The following SHISA6 variants were observed in gnomAD, a reference collection of about 807,000 sequenced individuals.
SHISA6 encodes the protein protein shisa-6.
A neutral mutation model predicts 47.9 loss-of-function variants in SHISA6; 22 were observed. The observed-to-expected ratio is 0.46, with a 90% confidence interval of 0.33 to 0.66. SHISA6 has a LOEUF of 0.66. Ranked by LOEUF, SHISA6 falls within the 30% of genes least tolerant of loss-of-function variation. The pLI is 0.02. For missense variants in SHISA6, 680 were observed against 764.6 expected (o/e 0.89, Z 1.30); for synonymous variants, 388 against 337.8 (o/e 1.15, Z -1.63).
chr17:11,447,582 T>C (rs572039573), intron 3 of SHISA6, among the ~76,000 whole-genome samples: 1 of 152,322 alleles, frequency 6.6e-6, no homozygotes, highest in South Asian at 2.1e-4. Flanking sequence ...TGTCCCACCC[T>C]CTACCCCACA....
At chr17:11,261,867 A>G (rs979542346) in intron 1 of SHISA6, among the ~76,000 whole-genome samples, 1 of 152,188 alleles carries the variant, frequency 6.6e-6, no homozygotes, top group African/African-American at 2.4e-5. Context: ...CGTTTAAGGA[A>G]CATTGCAGTT....
At position 11,241,984 on chromosome 17, in the gene SHISA6, G is replaced by C. The variant is rs1402986970; in HGVS notation, c.562G>C (p.Val188Leu). Reference protein sequence around the residue: ...VYITCGVIAFVIVAGVFAKVS... With the variant: ...VYITCGVIAFLIVAGVFAKVS... ...CATCACCTGCGGGGTGATCGCCTTCGTCATCGTGGCCGGCGTCTTCGCCAA... is the reference window on the plus strand; with the variant it reads ...CATCACCTGCGGGGTGATCGCCTTCCTCATCGTGGCCGGCGTCTTCGCCAA... Residue 188 changes from valine to leucine, a missense_variant, in exon 1 of 6, where the codon GTC becomes CTC. Val to Leu is a conservative substitution (Grantham distance 32). Transcript: ENST00000441885. The surrounding 1 kb of genome is among the most constrained non-coding windows in gnomAD (Gnocchi z 5.5). 31 of 1,550,962 alleles carry C rather than the reference G, an allele frequency of 2.0e-5. No homozygotes were observed. The highest frequency in any genetic ancestry group is 2.6e-5 in the Non-Finnish European group (30 of 1,147,014).
chr17:11,351,280 C>T (rs1469774389), intron 2 of SHISA6, among the ~76,000 whole-genome samples: 1 of 152,128 alleles, frequency 6.6e-6, no homozygotes, highest in Non-Finnish European at 1.5e-5. Context: ...GCACATTCTG[C>T]ACATGTATCC....
intron 3 of SHISA6, among the ~76,000 whole-genome samples, chr17:11,452,019 C>A (rs563162626): frequency 2.0e-5 from 3 of 152,216 alleles, no homozygotes; most frequent in Non-Finnish European, 4.4e-5. Flanking sequence ...ATCCACTGTG[C>A]AACTGCTTGA....
intron 3 of SHISA6, among the ~76,000 whole-genome samples, chr17:11,443,708 C>A (rs2142299452): frequency 6.6e-6 from 1 of 152,156 alleles, no homozygotes; most frequent in Non-Finnish European, 1.5e-5. Flanking sequence ...TGAATATTTG[C>A]TTATATTACC....
intron 3 of SHISA6, among the ~76,000 whole-genome samples, chr17:11,549,953 C>A (rs1190464403): frequency 6.6e-6 from 1 of 152,076 alleles, no homozygotes; most frequent in African/African-American, 2.4e-5. Context: ...CAAACAGTTT[C>A]TTCCCTGGCT....
chr17:11,317,612 TG>T (rs1245965747), intron 2 of SHISA6, among the ~76,000 whole-genome samples: 4 of 152,026 alleles, frequency 2.6e-5, no homozygotes, highest in Admixed American at 6.6e-5. Flanking sequence ...ATTTCGATTT[TG>T]TTTTTTTTAA....
chr17:11,260,592 C>T (rs1308498863), intron 1 of SHISA6, among the ~76,000 whole-genome samples: 5 of 151,980 alleles, frequency 3.3e-5, no homozygotes, highest in Non-Finnish European at 7.4e-5. Flanking sequence ...GTGGCTTACT[C>T]TCCCTCTTGC....
chr17:11,402,988 T>G (rs1178801549), intron 3 of SHISA6, among the ~76,000 whole-genome samples: 1 of 152,194 alleles, frequency 6.6e-6, no homozygotes. Flanking sequence ...TAGCCTCTCA[T>G]TCTTTGACCT....
chr17:11,561,263 T>A lies in SHISA6; in HGVS notation c.*2959T>A, dbSNP rs2072040632. 6.6e-6 allele frequency: 1 copy of A among 152,288 alleles called. No homozygotes were observed. The allele number at this position is 152,288 out of a possible 1,614,324, so 9.4% of individuals were successfully genotyped here. On this transcript the variant is annotated 3_prime_UTR_variant, in exon 6 of 6. Transcript: ENST00000441885. ...CACAAAGGAAGCCTAAAGCCCAAGA[T>A]TTCCCTCTCCTTGTTTTATTCATTT...
At chr17:11,353,211 C>A (rs1408183884) in intron 2 of SHISA6, among the ~76,000 whole-genome samples, 1 of 152,166 alleles carries the variant, frequency 6.6e-6, no homozygotes, top group Non-Finnish European at 1.5e-5. Flanking sequence ...GTAATCCCAA[C>A]ACTTAGGGAG....
Position 11,241,451 on chromosome 17 carries a change from T to A in SHISA6, c.29T>A (p.Leu10Gln). 1 of 1,204,380 alleles carries A rather than the reference T, an allele frequency of 8.3e-7. No individual in the cohort carries two copies. The highest frequency in any genetic ancestry group is 1.0e-6 in the Non-Finnish European group (1 of 952,816). The allele number at this position is 1,204,380 out of a possible 1,614,324, so 74.6% of individuals were successfully genotyped here. The change falls in exon 1 of 6, where the codon CTG becomes CAG. Residue 10 changes from leucine to glutamine, a missense_variant. By Grantham distance (113) the Leu-to-Gln change is moderately radical. Coordinates refer to ENST00000441885, the MANE Select transcript of SHISA6 (RefSeq NM_207386.4). This position sits in a 1 kb window ranked among gnomAD's most constrained non-coding sequence, Gnocchi z 5.5. ...GCGCTGCGGCGCCTCCTGCTGCTGCTGCTGCTCTCGCTGGAGTCCCTGGAC... is the reference window on the plus strand; with the variant it reads ...GCGCTGCGGCGCCTCCTGCTGCTGCAGCTGCTCTCGCTGGAGTCCCTGGAC... The part of the protein sequence containing the change: MALRRLLLL[L>Q]LLSLESLDLL...
chr17:11,370,810 C>T (rs205038), intron 2 of SHISA6, among the ~76,000 whole-genome samples: 74,125 of 152,012 alleles, frequency 0.49, 18,685 homozygotes, highest in East Asian at 0.67. Flanking sequence ...GTGAGAGTGT[C>T]GGGTAAGGTG....
intron 3 of SHISA6, among the ~76,000 whole-genome samples, chr17:11,396,333 G>A (rs1428694056): frequency 1.3e-5 from 2 of 152,084 alleles, no homozygotes; most frequent in African/African-American, 2.4e-5. Context: ...CTGGTTGATA[G>A]TTTTCTTTCT....
chr17:11,521,693 T>C (rs1245207563), intron 3 of SHISA6, among the ~76,000 whole-genome samples: 1 of 151,956 alleles, frequency 6.6e-6, no homozygotes, highest in East Asian at 1.9e-4. Flanking sequence ...GTCCCAGCTA[T>C]CCAGGAGGCT....
chr17:11,481,203 C>G (rs955887640), intron 3 of SHISA6, among the ~76,000 whole-genome samples: 1 of 151,868 alleles, frequency 6.6e-6, no homozygotes, highest in East Asian at 2.0e-4. Context: ...TATTTGAACC[C>G]GGGAGGCAGA....
At chr17:11,362,494 C>A (rs1281049970) in intron 2 of SHISA6, among the ~76,000 whole-genome samples, 1 of 152,146 alleles carries the variant, frequency 6.6e-6, no homozygotes, top group Non-Finnish European at 1.5e-5. Flanking sequence ...ATGCTTCTAC[C>A]AATTTCACTT....
chr17:11,492,744 G>A (rs1174868288), intron 3 of SHISA6, among the ~76,000 whole-genome samples: 1 of 152,130 alleles, frequency 6.6e-6, no homozygotes, highest in Admixed American at 6.5e-5. Flanking sequence ...CCAGTGCCCT[G>A]CATGCACCAC....
intron 3 of SHISA6, among the ~76,000 whole-genome samples, chr17:11,486,631 C>G (rs1916355079): frequency 6.6e-6 from 1 of 152,206 alleles, no homozygotes; most frequent in Non-Finnish European, 1.5e-5. Context: ...CCTTTCCTCA[C>G]CAGTGGAGAC....
Sources: gnomAD v4.1 joint callset for allele counts (sites outside exome capture counted in the v4.1 genomes callset) on GRCh38, gnomAD v4.1.1 for gene constraint, Gnocchi (gnomAD v3.1) non-coding constraint, MANE v1.5 for transcripts, NCBI Gene and HGNC (gene_info 2026-07-23, HGNC 2026-07-21) for gene names.